The following DLG2 variants were observed in gnomAD, a reference collection of about 807,000 sequenced individuals.
DLG2 encodes disks large homolog 2.
A neutral mutation model predicts 132.5 loss-of-function variants in DLG2; 45 were observed. That is an observed-to-expected ratio of 0.34 (90% CI 0.27 to 0.44). The LOEUF is 0.44. DLG2 is among the 20% of genes least tolerant of loss of function. DLG2 has a pLI of 1.00. For synonymous variants in DLG2, 424 were observed against 419.6 expected, an observed-to-expected ratio of 1.01 and a Z score of -0.13; for missense variants, 1,045 against 1,196.9, an observed-to-expected ratio of 0.87 and a Z score of 1.87.
At chr11:85,215,770 C>A (rs1300745260) in intron 4 of DLG2, among the ~76,000 whole-genome samples, 18 of 152,084 alleles carry the variant, frequency 1.2e-4, no homozygotes, top group Admixed American at 1.2e-3. Flanking sequence ...AAGTTCCTAC[C>A]ACCCCTTTGA....
intron 6 of DLG2, among the ~76,000 whole-genome samples, chr11:84,755,581 G>A (rs1211040962): frequency 1.3e-5 from 2 of 152,126 alleles, no homozygotes; most frequent in African/African-American, 2.4e-5. Context: ...CCGCCACCAC[G>A]CCCGGCTAAT....
intron 18 of DLG2, among the ~76,000 whole-genome samples, chr11:83,670,387 A>T (rs2076634628): frequency 6.6e-6 from 1 of 151,682 alleles, no homozygotes; most frequent in Admixed American, 6.6e-5. Context: ...TACAGAAAAA[A>T]AAAACCCATC....
chr11:83,574,527 A>T (rs950169403), intron 19 of DLG2, among the ~76,000 whole-genome samples: 1 of 152,164 alleles, frequency 6.6e-6, no homozygotes, highest in East Asian at 1.9e-4. Flanking sequence ...TCATTTCTCA[A>T]GTCACCTTTG....
chr11:83,914,165 G>A (rs2154114529), intron 15 of DLG2, among the ~76,000 whole-genome samples: 1 of 152,248 alleles, frequency 6.6e-6, no homozygotes, highest in Admixed American at 6.5e-5. Flanking sequence ...GGTTGTGGGG[G>A]CAGATCTCTC....
At chr11:84,691,023 T>G (rs976288026) in intron 6 of DLG2, among the ~76,000 whole-genome samples, 5 of 151,894 alleles carry the variant, frequency 3.3e-5, no homozygotes, top group Non-Finnish European at 2.9e-5. Context: ...GAACAGTTTA[T>G]CATATCTATG....
chr11:85,544,531 A>G (rs1327834265), intron 3 of DLG2, among the ~76,000 whole-genome samples: 1 of 152,164 alleles, frequency 6.6e-6, no homozygotes, highest in Non-Finnish European at 1.5e-5. Flanking sequence ...CTGGGAAAAA[A>G]GTCAATGGTA....
At chr11:85,272,941 A>C (rs2077635001) in intron 4 of DLG2, among the ~76,000 whole-genome samples, 1 of 152,224 alleles carries the variant, frequency 6.6e-6, no homozygotes, top group Admixed American at 6.5e-5. Flanking sequence ...GCCCTCAGAA[A>C]TAACACTACA....
chr11:84,729,483 G>T (rs1029121133), intron 6 of DLG2, among the ~76,000 whole-genome samples: 9 of 152,086 alleles, frequency 5.9e-5, no homozygotes, highest in Non-Finnish European at 2.9e-5. Flanking sequence ...TTGCTGAAGC[G>T]TGTTTTACTT....
chr11:85,283,037 A>C (rs1376512606), intron 4 of DLG2, among the ~76,000 whole-genome samples: 2 of 151,864 alleles, frequency 1.3e-5, no homozygotes, highest in Non-Finnish European at 2.9e-5. Flanking sequence ...GCCAATGATG[A>C]GAATACATGG....
intron 18 of DLG2, among the ~76,000 whole-genome samples, chr11:83,633,980 A>T (rs2064139750): frequency 6.6e-6 from 1 of 151,994 alleles, no homozygotes; most frequent in African/African-American, 2.4e-5. Flanking sequence ...AAAACAAAAA[A>T]AAACTCCATG....
intron 6 of DLG2, among the ~76,000 whole-genome samples, chr11:85,001,526 G>T (rs1300922792): frequency 6.6e-6 from 1 of 152,110 alleles, no homozygotes; most frequent in East Asian, 1.9e-4. Flanking sequence ...GTAAAAATAT[G>T]AGTGACATGG....
At chr11:84,123,435 A>C (rs572371791) in intron 9 of DLG2, among the ~76,000 whole-genome samples, 1 of 152,302 alleles carries the variant, frequency 6.6e-6, no homozygotes, top group East Asian at 1.9e-4. Flanking sequence ...ATTACTTTTA[A>C]TCCTCCATTA....
Position 83,611,492 on chromosome 11 carries a change from T to G in DLG2, c.1940+21719A>C, listed in dbSNP as rs146700058. Among the ~76,000 whole-genome samples the G allele has an allele frequency of 4.6e-3, 704 of 152,320 alleles. 7 individuals are homozygous for G. The highest frequency in any genetic ancestry group is 0.016 in the African/African-American group (648 of 41,574). ...CTGGCCCTAGACAAACTGACAAGCTTTGTTTTTTGCTTTTGAAACTCCAGG... is the reference window on the plus strand; with the variant it reads ...CTGGCCCTAGACAAACTGACAAGCTGTGTTTTTTGCTTTTGAAACTCCAGG... On this transcript the variant is annotated intron_variant, in intron 19 of 27. Transcript: ENST00000376104.
intron 6 of DLG2, among the ~76,000 whole-genome samples, chr11:84,967,132 C>G (rs543908666): frequency 5.3e-5 from 8 of 152,186 alleles, no homozygotes; most frequent in African/African-American, 1.7e-4. Context: ...GCTTGTAATT[C>G]CAGCTCAATG....
intron 21 of DLG2, among the ~76,000 whole-genome samples, chr11:83,515,835 TTGAG>T (rs2095272850): frequency 6.6e-6 from 1 of 152,238 alleles, no homozygotes. Flanking sequence ...TGAGCGATTT[TTGAG>T]TGAGTTTCTT....
chr11:84,777,748 GTCT>G (rs2070938781), intron 6 of DLG2, among the ~76,000 whole-genome samples: 1 of 151,958 alleles, frequency 6.6e-6, no homozygotes, highest in Non-Finnish European at 1.5e-5. Flanking sequence ...CCAGTTGTAT[GTCT>G]TCTTTTGAAA....
rs575800197 is a variant in DLG2 at position 84,295,206 on chromosome 11, T to C, written c.520-43915A>G. ...TGGTATAAATTAAGGTAAGTTACTT[T>C]GCTTCTAAAAGTCTACTTGTGCATC... On this transcript the variant is annotated intron_variant, in intron 7 of 27. Coordinates refer to ENST00000376104, the MANE Select transcript of DLG2 (RefSeq NM_001142699.3). 1.9e-4 allele frequency among the ~76,000 whole-genome samples: 29 copies of C among 152,328 alleles called. 1 individual carries two copies. In the South Asian group the frequency reaches 5.0e-3, roughly 26 times the overall value.
intron 19 of DLG2, among the ~76,000 whole-genome samples, chr11:83,588,621 C>T (rs201882633): frequency 4.6e-5 from 7 of 151,194 alleles, no homozygotes; most frequent in South Asian, 4.2e-4. Flanking sequence ...TCACCAGCAA[C>T]GGAACAAAGC....
chr11:84,531,620 G>T (rs1362383988), intron 7 of DLG2, among the ~76,000 whole-genome samples: 1 of 152,082 alleles, frequency 6.6e-6, no homozygotes, highest in Non-Finnish European at 1.5e-5. Context: ...TCCTTGATGA[G>T]CTTCCCTTTC....
Sources: allele counts gnomAD v4.1 joint callset (sites outside exome capture counted in the v4.1 genomes callset), GRCh38; gene constraint gnomAD v4.1.1; transcripts MANE v1.5; gene names NCBI Gene and HGNC (gene_info 2026-07-23, HGNC 2026-07-21).